Variants in VPS52 observed in about 807,000 individuals in gnomAD.
The protein encoded by VPS52 is vacuolar protein sorting-associated protein 52 homolog.
Under a neutral mutation model 98.7 loss-of-function variants are expected in VPS52, and 56 were observed. That is an observed-to-expected ratio of 0.57 (90% confidence interval 0.46 to 0.71). The LOEUF is 0.71. Among genes scored for constraint, VPS52 ranks in the 30% least tolerant of loss-of-function variants. The pLI is 0.00. For synonymous variants in VPS52, 348 were observed against 346.4 expected (o/e 1.00, Z -0.05); for missense variants, 742 against 925.9 (o/e 0.80, Z 2.58).
At chr6:33,263,721 G>A in intron 16 of VPS52, 51 bp downstream of exon 16, 1 of 1,610,292 alleles carries the variant, frequency 6.2e-7, no homozygotes. Context: ...ACAGCAGTGG[G>A]GGAAACCGAA....
chr6:33,250,796 A>C lies in VPS52; in HGVS notation c.*45T>G, dbSNP rs150281408. ...AGAAGGGTATGGAATGGGGTGCAGA[A>C]GTCCATGGAGATGACCGGCAGATCT... On this transcript the variant is annotated 3_prime_UTR_variant, in exon 20 of 20. Coordinates refer to ENST00000445902, the MANE Select transcript of VPS52 (RefSeq NM_022553.6). The C allele has an allele frequency of 8.9e-4, 1,417 of 1,596,362 alleles. 2 individuals are homozygous for C. Among genetic ancestry groups the C allele is most frequent in the Middle Eastern group, 7.0e-3 (42 of 5,980 alleles).
intron 17 of VPS52, among the ~76,000 whole-genome samples, chr6:33,262,014 T>C (rs1400566413): frequency 9.5e-6 from 1 of 104,724 alleles, no homozygotes; most frequent in Admixed American, 1.5e-4. Context: ...CACTCCAGCC[T>C]GGACAACAAG....
In VPS52 at chr6:33,268,700, C is replaced by A; in HGVS notation, c.549-51G>T. 1 of 1,548,610 alleles carries A rather than the reference C, an allele frequency of 6.5e-7. No homozygotes were observed. Among genetic ancestry groups the A allele is most frequent in the Non-Finnish European group, 8.7e-7 (1 of 1,153,062 alleles). The stretch of plus-strand genomic sequence containing the variant: ...AGTTACAAGGGAGACCCAGACATCC[C>A]TAAACCAGACCCAGACCACACTCCT... On this transcript the variant is annotated intron_variant, in intron 6 of 19. Coordinates refer to ENST00000445902, the MANE Select transcript of VPS52 (RefSeq NM_022553.6). The surrounding 1 kb of genome is among the most constrained non-coding windows in gnomAD (Gnocchi z 4.0).
At position 33,267,762 on chromosome 6, in the gene VPS52, T is replaced by A. The variant is rs1209028517; in HGVS notation, c.934-23A>T. On this transcript the variant is annotated intron_variant, in intron 9 of 19. Transcript: ENST00000445902. This position sits in a 1 kb window ranked among gnomAD's most constrained non-coding sequence, Gnocchi z 4.2. Reference sequence around the variant, plus strand: ...ATACTAAGGAAAGAGAAAAGAGAACTGATAACCGTCTCTTCCCACAACACA... The same window carrying A: ...ATACTAAGGAAAGAGAAAAGAGAACAGATAACCGTCTCTTCCCACAACACA... 1 of 1,612,898 alleles carries A rather than the reference T, an allele frequency of 6.2e-7. No individual in the cohort carries two copies. The highest frequency in any genetic ancestry group is 1.3e-5 in the African/African-American group (1 of 74,912).
rs1762113832 is a variant in VPS52, at chr6:33,250,688, G to A, written c.*153C>T. The A allele has an allele frequency of 3.0e-6, 3 of 992,308 alleles. No individual in the cohort carries two copies. The Admixed American group carries it at 8.0e-5, about 26-fold the overall frequency. The allele number at this position is 992,308 out of a possible 1,614,324, so 61.5% of individuals were successfully genotyped here. On this transcript the variant is annotated 3_prime_UTR_variant, in exon 20 of 20. Transcript: ENST00000445902. ...AAGGGGATCCAGCTTATCCTGTTGG[G>A]CAAGGTGCTGGGAGTGAAGGCAGGT... is the stretch of plus-strand genomic sequence containing the variant.
chr6:33,258,907 T>C (rs1763318406), intron 17 of VPS52, among the ~76,000 whole-genome samples: 1 of 152,178 alleles, frequency 6.6e-6, no homozygotes, highest in Non-Finnish European at 1.5e-5. Context: ...ACAGCCATTT[T>C]ACAGGAAAAA....
chr6:33,258,169 C>T (rs531276115), intron 17 of VPS52, among the ~76,000 whole-genome samples: 1 of 152,248 alleles, frequency 6.6e-6, no homozygotes, highest in South Asian at 2.1e-4. Context: ...GGATGGATCA[C>T]CTGAGGTCAG....
intron 11 of VPS52, 46 bp from the exon 12 acceptor site, chr6:33,266,758 A>G (rs746278562): frequency 1.3e-6 from 2 of 1,562,368 alleles, no homozygotes; most frequent in South Asian, 1.2e-5. Flanking sequence ...GATGGACCCC[A>G]ACACTGACTT....
chr6:33,258,140 C>A (rs191004586), intron 17 of VPS52, among the ~76,000 whole-genome samples: 1 of 152,080 alleles, frequency 6.6e-6, no homozygotes, highest in African/African-American at 2.4e-5. Flanking sequence ...GTAATCCCAG[C>A]ATTTTGGGAG....
intron 17 of VPS52, among the ~76,000 whole-genome samples, chr6:33,256,450 G>T (rs1762966710): frequency 1.3e-5 from 1 of 77,650 alleles, no homozygotes; most frequent in Non-Finnish European, 2.5e-5. Context: ...GAGTGACAGA[G>T]CAAAACCTGT....
In VPS52 at chr6:33,267,585, C is replaced by A; in HGVS notation, c.991+97G>T. ...TCATCACATTCTAAAAGGTTTCAGT[C>A]CCATAGGAAAAGGTAAGGAGCAGTG... On this transcript the variant is annotated intron_variant, in intron 10 of 19. Coordinates refer to ENST00000445902, the MANE Select transcript of VPS52 (RefSeq NM_022553.6). The surrounding 1 kb of genome is among the most constrained non-coding windows in gnomAD (Gnocchi z 4.2). 7.0e-7 allele frequency: 1 copy of A among 1,433,654 alleles called. No individual in the cohort carries two copies. 88.8% of individuals were successfully genotyped at this position (1,433,654 alleles called of 1,614,324 possible).
intron 15 of VPS52, 22 bp downstream of exon 15, chr6:33,263,986 G>C: frequency 6.2e-7 from 1 of 1,614,096 alleles, no homozygotes; most frequent in Middle Eastern, 1.6e-4. Flanking sequence ...CTGCTGGGAA[G>C]TGTCTCCTGT....
In VPS52 at chr6:33,259,905, G is replaced by C. The variant is rs201877509; in HGVS notation, c.1794+3579C>G. 2.0e-5 allele frequency among the ~76,000 whole-genome samples: 3 copies of C among 152,088 alleles called. No individual in the cohort carries two copies. In the East Asian group the frequency reaches 5.8e-4, roughly 29 times the overall value. On this transcript the variant is annotated intron_variant, in intron 17 of 19. Coordinates refer to ENST00000445902, the MANE Select transcript of VPS52 (RefSeq NM_022553.6). ...AAACAATTTATCATTGTCTCATAAAGACTAATACTGCATATCTTATTAGCA... is the reference window on the plus strand; with the variant it reads ...AAACAATTTATCATTGTCTCATAAACACTAATACTGCATATCTTATTAGCA...
chr6:33,260,265 T>G (rs1446872905), intron 17 of VPS52, among the ~76,000 whole-genome samples: 1 of 152,142 alleles, frequency 6.6e-6, no homozygotes, highest in Non-Finnish European at 1.5e-5. Flanking sequence ...CATGGCTCGC[T>G]GTAATCTCGA....
At chr6:33,263,036 G>A (rs962751151) in intron 17 of VPS52, among the ~76,000 whole-genome samples, 2 of 151,750 alleles carry the variant, frequency 1.3e-5, no homozygotes, top group African/African-American at 4.8e-5. Flanking sequence ...TAGTGTAATC[G>A]GATTGTTTAT....
At chr6:33,251,738 T>A in intron 18 of VPS52, 102 bp from the exon 19 acceptor site, 1 of 1,399,830 alleles carries the variant, frequency 7.1e-7, no homozygotes, top group Non-Finnish European at 1.0e-6. Context: ...AACCCTCTTT[T>A]CTGGTATTCT....
chr6:33,270,319 T>C (rs1764854329), intron 1 of VPS52, 36 bp from the exon 2 acceptor site: 1 of 1,564,874 alleles, frequency 6.4e-7, no homozygotes, highest in Non-Finnish European at 8.7e-7. Flanking sequence ...TAGGGTACGG[T>C]GAAAGACAGA....
At chr6:33,264,699 TAGG>T (rs1294924086) in intron 13 of VPS52, 80 bp downstream of exon 13, 5 of 1,439,306 alleles carry the variant, frequency 3.5e-6, no homozygotes, top group Non-Finnish European at 4.9e-6. Flanking sequence ...ACCAGGTCAG[TAGG>T]AGTCTAAGGT....
intron 17 of VPS52, among the ~76,000 whole-genome samples, chr6:33,253,888 G>C (rs1373874934): frequency 6.6e-6 from 1 of 152,150 alleles, no homozygotes; most frequent in Non-Finnish European, 1.5e-5. Flanking sequence ...TGGTATAGAT[G>C]AAACAAAACT....
Sources: allele counts gnomAD v4.1 joint callset (sites outside exome capture counted in the v4.1 genomes callset), GRCh38; gene constraint gnomAD v4.1.1; non-coding constraint Gnocchi (gnomAD v3.1); transcripts MANE v1.5; gene names NCBI Gene and HGNC (gene_info 2026-07-23, HGNC 2026-07-21).